ZRANB3: variants seen among roughly 807,000 people sequenced by gnomAD.
ZRANB3 encodes DNA annealing helicase and endonuclease ZRANB3.
ZRANB3 carries 125 observed loss-of-function variants against 133.8 expected under a neutral mutation model. The ratio of observed to expected loss-of-function variants is 0.93; its 90% CI spans 0.81 to 1.08. The LOEUF is 1.08. Ranked by LOEUF, ZRANB3 falls within the 50% of genes least tolerant of loss-of-function variation. The pLI is 0.00. For synonymous variants in ZRANB3, 387 were observed against 432.7 expected, an observed-to-expected ratio of 0.89 and a Z score of 1.31; for missense variants, 1,229 against 1,275.5, an observed-to-expected ratio of 0.96 and a Z score of 0.56.
intron 2 of ZRANB3, among the ~76,000 whole-genome samples, chr2:135,435,634 C>T (rs771869514): frequency 3.3e-5 from 5 of 152,140 alleles, no homozygotes; most frequent in South Asian, 2.1e-4. Flanking sequence ...TCCTTTTCTC[C>T]GTAACCTTGC....
Position 135,200,025 on chromosome 2 carries a change from T to A in ZRANB3, c.*317A>T. ...ATTTTTAGGTAATTGAGAGTACATT[T>A]TTTAAACACAATCTATGCACAATAC... is the stretch of plus-strand genomic sequence containing the variant. On this transcript the variant is annotated 3_prime_UTR_variant, in exon 21 of 21. Transcript: ENST00000264159. The A allele has an allele frequency of 2.8e-6, 1 of 353,482 alleles. No individual in the cohort carries two copies. Among genetic ancestry groups the A allele is most frequent in the Non-Finnish European group, 5.3e-6 (1 of 187,124 alleles). 21.9% of individuals were successfully genotyped at this position (353,482 alleles called of 1,614,324 possible).
intron 1 of ZRANB3, among the ~76,000 whole-genome samples, chr2:135,518,474 G>A (rs1012286457): frequency 6.6e-6 from 1 of 152,148 alleles, no homozygotes; most frequent in African/African-American, 2.4e-5. Flanking sequence ...CATTTCTCAC[G>A]GCATAGTCCC....
intron 3 of ZRANB3, 31 bp downstream of exon 3, chr2:135,390,771 T>C (rs1687189025): frequency 2.6e-6 from 4 of 1,520,178 alleles, no homozygotes; most frequent in South Asian, 1.2e-5. Context: ...TGTAATCTTA[T>C]AAAAGACATA....
intron 2 of ZRANB3, among the ~76,000 whole-genome samples, chr2:135,450,393 AC>A (rs1202193992): frequency 1.4e-3 from 215 of 152,180 alleles, no homozygotes; most frequent in Middle Eastern, 6.8e-3. Context: ...CCTCAAAAAC[AC>A]CCTATGATAC....
intron 2 of ZRANB3, among the ~76,000 whole-genome samples, chr2:135,497,244 T>C (rs1005404154): frequency 6.6e-6 from 1 of 151,616 alleles, no homozygotes; most frequent in African/African-American, 2.4e-5. Context: ...AAATGACTTC[T>C]ACAATTTATA....
intron 11 of ZRANB3, among the ~76,000 whole-genome samples, chr2:135,266,562 C>G (rs572256513): frequency 6.6e-6 from 1 of 151,702 alleles, no homozygotes; most frequent in Non-Finnish European, 1.5e-5. Flanking sequence ...GTCAGGAGTT[C>G]GAGACCAGCC....
rs754536177 is a variant in ZRANB3 at position 135,217,498 on chromosome 2, G to A, written c.2462C>T (p.Thr821Ile). 1 of 1,612,210 alleles carries A rather than the reference G, an allele frequency of 6.2e-7. No homozygotes were observed. Among genetic ancestry groups the A allele is most frequent in the South Asian group, 1.1e-5 (1 of 90,440 alleles). Residue 821 changes from threonine to isoleucine, a missense_variant, in exon 17 of 21, where the codon ACA becomes ATA. Transcript: ENST00000264159. ...GCAATTTTGTTTGGTTTGTTGCTTT[G>A]TGATCTCTTCCAAAGCAAGAATTGG... Reference protein sequence around the residue: ...CSPILALEEITKQQTKQNCTK... With the variant: ...CSPILALEEIIKQQTKQNCTK...
At chr2:135,208,182 A>AGTGGCTACCCT (rs1215748273) in intron 18 of ZRANB3, among the ~76,000 whole-genome samples, 3 of 152,112 alleles carry the variant, frequency 2.0e-5, no homozygotes, top group Non-Finnish European at 4.4e-5. Context: ...CCCCAACCAA[A>AGTGGCTACCCT]GCTTAGTGGC....
chr2:135,374,344 T>C (rs1686323009), intron 3 of ZRANB3, among the ~76,000 whole-genome samples: 1 of 152,030 alleles, frequency 6.6e-6, no homozygotes. Context: ...ATTGGGAGGC[T>C]GCAGTGAGCT....
chr2:135,455,172 T>C (rs1021210303), intron 2 of ZRANB3, among the ~76,000 whole-genome samples: 1 of 57,044 alleles, frequency 1.8e-5, no homozygotes, highest in Non-Finnish European at 2.7e-5. Flanking sequence ...CTTCTTATAC[T>C]TTTTTTTTTT....
At chr2:135,275,568 A>G (rs1433852245) in intron 9 of ZRANB3, 68 bp downstream of exon 9, 2 of 1,348,878 alleles carry the variant, frequency 1.5e-6, no homozygotes, top group Non-Finnish European at 2.0e-6. Flanking sequence ...CTATGAGACT[A>G]CAACTGATGT....
intron 2 of ZRANB3, among the ~76,000 whole-genome samples, chr2:135,450,610 C>A (rs970820500): frequency 3.3e-5 from 5 of 152,002 alleles, no homozygotes; most frequent in African/African-American, 9.7e-5. Flanking sequence ...TGGATTTAAC[C>A]CTCTATCTAA....
At position 135,495,696 on chromosome 2, in the gene ZRANB3, T is replaced by G. The variant is rs115844589; in HGVS notation, c.161+8633A>C. Among the ~76,000 whole-genome samples, 598 of 152,312 alleles carry G rather than the reference T, an allele frequency of 3.9e-3. 8 individuals are homozygous for G. Among genetic ancestry groups the G allele is most frequent in the African/African-American group, 0.013 (560 of 41,564 alleles). ...CAGCACCAAGTAACTATAAAAAATA[T>G]ACTTTAGTGACAGAAGTCAGATCAG... On this transcript the variant is annotated intron_variant, in intron 2 of 20. Coordinates refer to ENST00000264159, the MANE Select transcript of ZRANB3 (RefSeq NM_032143.4).
intron 1 of ZRANB3, among the ~76,000 whole-genome samples, chr2:135,526,597 A>G (rs1694173516): frequency 6.6e-6 from 1 of 152,208 alleles, no homozygotes; most frequent in African/African-American, 2.4e-5. Context: ...ACTGTGGCAT[A>G]ACATTATGAG....
chr2:135,268,850 T>G lies in ZRANB3; in HGVS notation c.1386+112A>C, dbSNP rs1039338476. 6.0e-6 allele frequency: 6 copies of G among 997,726 alleles called. No individual in the cohort carries two copies. In the African/African-American group the frequency reaches 9.8e-5, roughly 16 times the overall value. The allele number at this position is 997,726 out of a possible 1,614,324, so 61.8% of individuals were successfully genotyped here. A position where few individuals can be genotyped will look rare whatever the true frequency, so the allele number is the denominator to read the frequency against. On this transcript the variant is annotated intron_variant, in intron 11 of 20. Transcript: ENST00000264159. ...TTGGTCTCTATTATCATCATTATCTTGATGTGCTTAAGTATCCTTTGCCTG... is the reference window on the plus strand; with the variant it reads ...TTGGTCTCTATTATCATCATTATCTGGATGTGCTTAAGTATCCTTTGCCTG...
chr2:135,498,961 TC>T (rs1052215450), intron 2 of ZRANB3, among the ~76,000 whole-genome samples: 2 of 152,168 alleles, frequency 1.3e-5, no homozygotes, highest in African/African-American at 4.8e-5. Flanking sequence ...TTTTAATTTC[TC>T]CCCATTCCTG....
intron 10 of ZRANB3, 58 bp downstream of exon 10, chr2:135,271,710 G>A (rs1049040309): frequency 5.2e-6 from 8 of 1,545,058 alleles, no homozygotes; most frequent in Non-Finnish European, 6.1e-6. Context: ...ATAGTGAATG[G>A]CCTTTTTTCT....
intron 2 of ZRANB3, among the ~76,000 whole-genome samples, chr2:135,481,629 A>T (rs1261910152): frequency 6.7e-6 from 1 of 149,628 alleles, no homozygotes; most frequent in African/African-American, 2.5e-5. Flanking sequence ...ATTAGATCCC[A>T]TTTGTCAATT....
rs757215106 is a variant in ZRANB3 at position 135,315,523 on chromosome 2, C to A, written c.685G>T (p.Gly229Cys). 5 of 1,509,776 alleles carry A rather than the reference C, an allele frequency of 3.3e-6. No homozygotes were observed. In the African/African-American group the frequency reaches 5.7e-5, roughly 17 times the overall value. 93.5% of individuals were successfully genotyped at this position (1,509,776 alleles called of 1,614,324 possible). The change falls in exon 7 of 21, where the codon GGT becomes TGT. Residue 229 changes from glycine to cysteine, a missense_variant. Physicochemically the swap from Gly to Cys is radical, Grantham distance 159 (BLOSUM62 -3). Transcript: ENST00000264159. Reference protein sequence around the residue: ...RYCNAHIRYFGKRPQWDCRGA... With the variant: ...RYCNAHIRYFCKRPQWDCRGA... Reference sequence around the variant, plus strand: ...CTACAATCCCACTGAGGTCTTTTACCAAAATATCTGTTAAAATGAAGACAA... The same window carrying A: ...CTACAATCCCACTGAGGTCTTTTACAAAAATATCTGTTAAAATGAAGACAA...
Sources: gnomAD v4.1 joint callset for allele counts (sites outside exome capture counted in the v4.1 genomes callset) on GRCh38, gnomAD v4.1.1 for gene constraint, MANE v1.5 for transcripts, NCBI Gene and HGNC (gene_info 2026-07-23, HGNC 2026-07-21) for gene names.